GLRA1: variants seen among roughly 807,000 people sequenced by gnomAD.
The protein encoded by GLRA1 is glycine receptor subunit alpha-1.
GLRA1 carries 37 observed loss-of-function variants against 48.3 expected under a neutral mutation model. That is an observed-to-expected ratio of 0.77 (90% CI 0.59 to 1.01). The LOEUF (loss-of-function observed/expected upper bound fraction) is 1.01, where lower values mean the gene tolerates loss of function less well. GLRA1 is among the 50% of genes least tolerant of loss of function. GLRA1 has a pLI of 0.00. For synonymous variants in GLRA1, 196 were observed against 210.7 expected (o/e 0.93, Z 0.60); for missense variants, 427 against 571.0 (o/e 0.75, Z 2.57).
intron 3 of GLRA1, among the ~76,000 whole-genome samples, chr5:151,868,596 A>C (rs972647206): frequency 6.6e-6 from 1 of 152,212 alleles, no homozygotes; most frequent in Admixed American, 6.5e-5. Flanking sequence ...ATGATATCCC[A>C]GATATGAATT....
chr5:151,834,172 C>T (rs997500255), intron 7 of GLRA1, among the ~76,000 whole-genome samples: 2 of 152,054 alleles, frequency 1.3e-5, no homozygotes, highest in Non-Finnish European at 1.5e-5. Context: ...CAAAATATAC[C>T]TTCTTCTCAG....
At chr5:151,920,215 G>T (rs1754840521) in intron 1 of GLRA1, among the ~76,000 whole-genome samples, 1 of 152,204 alleles carries the variant, frequency 6.6e-6, no homozygotes, top group African/African-American at 2.4e-5. Flanking sequence ...CTTTGATGAA[G>T]ATCTTATTAG....
Position 151,829,185 on chromosome 5 carries a change from T to G in GLRA1, c.913-118A>C. 3.1e-6 allele frequency: 3 copies of G among 952,412 alleles called. No homozygotes were observed. In the South Asian group the frequency reaches 4.3e-5, roughly 14 times the overall value. The allele number at this position is 952,412 out of a possible 1,614,324, so 59.0% of individuals were successfully genotyped here. On this transcript the variant is annotated intron_variant, in intron 7 of 8. Coordinates refer to ENST00000274576, the MANE Select transcript of GLRA1 (RefSeq NM_000171.4). ...CCCACATCACCCACTGCTGTCTGCT[T>G]CTCAGCTGGGATATTAGGGTGGAGG... is the stretch of plus-strand genomic sequence containing the variant.
chr5:151,873,185 T>C (rs1372408523), intron 3 of GLRA1, among the ~76,000 whole-genome samples: 1 of 149,428 alleles, frequency 6.7e-6, no homozygotes, highest in South Asian at 2.1e-4. Flanking sequence ...GTTCCCGAAA[T>C]GGAAAGGTCT....
chr5:151,844,921 A>G (rs1752628799), intron 7 of GLRA1, among the ~76,000 whole-genome samples: 1 of 152,180 alleles, frequency 6.6e-6, no homozygotes, highest in African/African-American at 2.4e-5. Flanking sequence ...CACTCATGGT[A>G]GAAAGTGAAG....
chr5:151,839,428 A>C (rs530590167), intron 7 of GLRA1, among the ~76,000 whole-genome samples: 1 of 152,338 alleles, frequency 6.6e-6, no homozygotes, highest in South Asian at 2.1e-4. Flanking sequence ...CAATGATTGT[A>C]AACCTGTGTT....
At chr5:151,916,580 G>A (rs1176419658) in intron 1 of GLRA1, among the ~76,000 whole-genome samples, 2 of 152,218 alleles carry the variant, frequency 1.3e-5, no homozygotes, top group African/African-American at 4.8e-5. Context: ...TGTGGCAGTG[G>A]TCTCTGAACA....
chr5:151,922,434 A>G (rs1465608575), intron 1 of GLRA1, among the ~76,000 whole-genome samples: 4 of 152,152 alleles, frequency 2.6e-5, no homozygotes, highest in Non-Finnish European at 4.4e-5. Context: ...CCTGAGTTCA[A>G]TTATTGTCTG....
intron 5 of GLRA1, 42 bp from the exon 6 acceptor site, chr5:151,855,219 C>T: frequency 6.2e-7 from 1 of 1,604,976 alleles, no homozygotes; most frequent in Non-Finnish European, 8.5e-7. Flanking sequence ...CACTCAGAAG[C>T]ACTTGTTTGA....
intron 7 of GLRA1, chr5:151,850,097 G>A (rs2113340864): frequency 1.2e-6 from 2 of 1,603,886 alleles, no homozygotes; most frequent in South Asian, 1.1e-5. Context: ...CCCTCATGGG[G>A]ACAGATGGGT....
intron 7 of GLRA1, among the ~76,000 whole-genome samples, chr5:151,831,016 G>T (rs1369927871): frequency 1.3e-5 from 2 of 152,126 alleles, no homozygotes; most frequent in African/African-American, 4.8e-5. Context: ...AGCAGAGTGG[G>T]GTGTCACCTC....
At chr5:151,862,240 G>A (rs965715404) in intron 3 of GLRA1, among the ~76,000 whole-genome samples, 5 of 152,094 alleles carry the variant, frequency 3.3e-5, no homozygotes, top group Admixed American at 2.0e-4. Context: ...ATAGAAAGCC[G>A]AAACTGGATC....
chr5:151,896,379 C>T (rs1302476065), intron 1 of GLRA1, among the ~76,000 whole-genome samples: 2 of 152,182 alleles, frequency 1.3e-5, no homozygotes, highest in African/African-American at 4.8e-5. Flanking sequence ...AATGCTACAA[C>T]GTAAGGGAAA....
At chr5:151,890,155 C>T (rs1288673470) in intron 2 of GLRA1, among the ~76,000 whole-genome samples, 1 of 152,120 alleles carries the variant, frequency 6.6e-6, no homozygotes, top group Non-Finnish European at 1.5e-5. Flanking sequence ...GTTAGAGTAA[C>T]TGGGTTAAAG....
chr5:151,856,861 A>T (rs796888167), intron 4 of GLRA1, among the ~76,000 whole-genome samples: 1 of 152,218 alleles, frequency 6.6e-6, no homozygotes. Flanking sequence ...TGCAAATTAC[A>T]TACACACACA....
intron 1 of GLRA1, among the ~76,000 whole-genome samples, chr5:151,896,395 T>C (rs1394826287): frequency 6.6e-6 from 1 of 152,254 alleles, no homozygotes; most frequent in Non-Finnish European, 1.5e-5. Context: ...GGAAAGTCTT[T>C]GTGAATTGTG....
At chr5:151,859,718 A>G in intron 4 of GLRA1, 67 bp downstream of exon 4, 2 of 1,178,634 alleles carry the variant, frequency 1.7e-6, no homozygotes, top group South Asian at 1.2e-5. Context: ...TTTAGAGTCT[A>G]TGCCCAGAAG....
intron 5 of GLRA1, 126 bp downstream of exon 5, chr5:151,856,175 T>A: frequency 1.5e-6 from 1 of 679,526 alleles, no homozygotes; most frequent in East Asian, 2.9e-5. Context: ...CTTCATTGAA[T>A]ATTTTGGGTT....
At chr5:151,862,912 G>A (rs879640179) in intron 3 of GLRA1, among the ~76,000 whole-genome samples, 1 of 152,156 alleles carries the variant, frequency 6.6e-6, no homozygotes, top group Non-Finnish European at 1.5e-5. Flanking sequence ...ATGTCACTCT[G>A]AAAATGTAGG....
Sources: allele counts gnomAD v4.1 joint callset (sites outside exome capture counted in the v4.1 genomes callset), GRCh38; gene constraint gnomAD v4.1.1; transcripts MANE v1.5; gene names NCBI Gene and HGNC (gene_info 2026-07-23, HGNC 2026-07-21).